The following SNX6 variants were observed in gnomAD, a reference collection of about 807,000 sequenced individuals.
SNX6 encodes the protein sorting nexin-6.
Under a neutral mutation model 63.0 loss-of-function variants are expected in SNX6, and 34 were observed. That is an observed-to-expected ratio of 0.54 (90% CI 0.41 to 0.72). The LOEUF (loss-of-function observed/expected upper bound fraction) is 0.72. Among genes scored for constraint, SNX6 ranks in the 30% least tolerant of loss-of-function variants. The pLI, the probability that SNX6 is intolerant of heterozygous loss-of-function variation, is 0.00. For synonymous variants in SNX6, 170 were observed against 164.2 expected (o/e 1.04, Z -0.27); for missense variants, 398 against 471.4 (o/e 0.84, Z 1.44).
intron 10 of SNX6, 126 bp downstream of exon 10, chr14:34,581,435 A>T (rs2138292627): frequency 2.0e-6 from 1 of 503,728 alleles, no homozygotes; most frequent in Non-Finnish European, 3.7e-6. Flanking sequence ...TACAGGCACG[A>T]GCCACGTGCC....
intron 2 of SNX6, among the ~76,000 whole-genome samples, chr14:34,617,824 G>A (rs1424665768): frequency 2.6e-5 from 4 of 151,708 alleles, no homozygotes; most frequent in Non-Finnish European, 5.9e-5. Flanking sequence ...GGGAGGCTGA[G>A]GCAGCAGAAT....
chr14:34,584,250 G>C (rs1475122401), intron 9 of SNX6, among the ~76,000 whole-genome samples: 1 of 152,146 alleles, frequency 6.6e-6, no homozygotes, highest in African/African-American at 2.4e-5. Context: ...CAAGGATGTG[G>C]TTTAGAGAAA....
intron 11 of SNX6, 143 bp downstream of exon 11, chr14:34,575,613 T>C: frequency 2.3e-6 from 1 of 436,290 alleles, no homozygotes; most frequent in Non-Finnish European, 4.3e-6. Context: ...ATACAATTTC[T>C]AAAAGGAGAA....
chr14:34,583,850 C>CTTTT (rs67586044), intron 9 of SNX6, among the ~76,000 whole-genome samples: 51,502 of 142,512 alleles, frequency 0.36, 11,020 homozygotes, highest in East Asian at 0.71. Flanking sequence ...GGGAAGGTGG[C>CTTTT]TTTTTTTTTT....
At chr14:34,600,605 G>A (rs1399460231) in intron 6 of SNX6, among the ~76,000 whole-genome samples, 2 of 152,050 alleles carry the variant, frequency 1.3e-5, no homozygotes, top group Admixed American at 6.6e-5. Context: ...AGGTTAACCT[G>A]TACATGAGCA....
chr14:34,565,873 TA>T (rs954160022), intron 13 of SNX6, among the ~76,000 whole-genome samples: 8 of 151,792 alleles, frequency 5.3e-5, no homozygotes, highest in African/African-American at 1.9e-4. Flanking sequence ...GTATTTTTAG[TA>T]GAGATGGGGT....
intron 8 of SNX6, among the ~76,000 whole-genome samples, chr14:34,589,423 C>G (rs1465814216): frequency 6.6e-6 from 1 of 152,164 alleles, no homozygotes; most frequent in Non-Finnish European, 1.5e-5. Context: ...CTCACTCCAG[C>G]CTGGGCAACA....
chr14:34,592,931 C>G, intron 8 of SNX6, 114 bp downstream of exon 8: 1 of 742,506 alleles, frequency 1.3e-6, no homozygotes, highest in Non-Finnish European at 2.2e-6. Context: ...AGCCTAGGCT[C>G]CAACAGACCA....
chr14:34,605,830 TG>T, intron 4 of SNX6, 113 bp from the exon 5 acceptor site: 10 of 1,312,766 alleles, frequency 7.6e-6, no homozygotes, highest in Non-Finnish European at 1.0e-5. Context: ...CAGAATGAGC[TG>T]AACACCAGGA....
At chr14:34,615,044 T>A (rs192650933) in intron 2 of SNX6, among the ~76,000 whole-genome samples, 167 of 152,318 alleles carry the variant, frequency 1.1e-3, no homozygotes, top group African/African-American at 3.8e-3. Context: ...TTCAAGATTA[T>A]TCCAAGTTAT....
chr14:34,603,585 CAA>C, intron 5 of SNX6, 114 bp from the exon 6 acceptor site: 1 of 840,126 alleles, frequency 1.2e-6, no homozygotes, highest in Non-Finnish European at 1.7e-6. Flanking sequence ...ATCAGAGATA[CAA>C]AGATATAATT....
At chr14:34,570,479 T>C (rs560151187) in intron 11 of SNX6, among the ~76,000 whole-genome samples, 1 of 151,638 alleles carries the variant, frequency 6.6e-6, no homozygotes, top group East Asian at 1.9e-4. Context: ...TGGAGTGCAG[T>C]GGTGCGATCT....
At chr14:34,605,492 T>C (rs1370635394) in intron 5 of SNX6, 104 bp downstream of exon 5, 2 of 913,416 alleles carry the variant, frequency 2.2e-6, no homozygotes, top group African/African-American at 3.4e-5. Flanking sequence ...AAGGGTTTAA[T>C]GATGGGATAT....
At position 34,567,782 on chromosome 14, in the gene SNX6, G is replaced by T. The variant is rs1881253168; in HGVS notation, c.1082-11C>A. The T allele has an allele frequency of 6.2e-7, 1 of 1,612,606 alleles. No individual in the cohort carries two copies. The highest frequency in any genetic ancestry group is 8.5e-7 in the Non-Finnish European group (1 of 1,178,964). On this transcript the variant is annotated splice_polypyrimidine_tract_variant and intron_variant, in intron 12 of 13. Coordinates refer to ENST00000362031, the MANE Select transcript of SNX6 (RefSeq NM_152233.4). ...TAAAATCTATAAGTTCTGTGAAAAA[G>T]AAATTAGGATTATTTAATTTACATA... is the stretch of plus-strand genomic sequence containing the variant.
intron 9 of SNX6, among the ~76,000 whole-genome samples, chr14:34,583,411 A>G (rs1318597427): frequency 1.3e-5 from 2 of 150,912 alleles, no homozygotes; most frequent in East Asian, 2.0e-4. Flanking sequence ...TAAATTCTTA[A>G]GTAGAAATTG....
Position 34,608,129 on chromosome 14 carries a change from T to A in SNX6, c.171A>T (p.Pro57=), listed in dbSNP as rs1883091556. The A allele has an allele frequency of 8.2e-6, 13 of 1,594,958 alleles. No homozygotes were observed. Among genetic ancestry groups the A allele is most frequent in the Non-Finnish European group, 1.1e-5 (13 of 1,167,114 alleles). Residue 57 remains proline, a synonymous_variant, in exon 4 of 14, where the codon CCA becomes CCT. Transcript: ENST00000362031. ...KFTVHTKSSL[P]NFKQNEFSVV... The stretch of plus-strand genomic sequence containing the variant: ...CTGAAAACTCGTTTTGTTTAAAATT[T>A]GGCAATGAACTCTGTAAAGATAGAG...
intron 6 of SNX6, among the ~76,000 whole-genome samples, chr14:34,599,709 G>T (rs898924481): frequency 6.7e-6 from 1 of 150,358 alleles, no homozygotes; most frequent in Admixed American, 6.7e-5. Context: ...GGGAGGCAGA[G>T]GTTGCACTGA....
Position 34,595,637 on chromosome 14 carries a change from C to G in SNX6, c.612+1913G>C, listed in dbSNP as rs139495145. Among the ~76,000 whole-genome samples, 184 of 152,286 alleles carry G rather than the reference C, an allele frequency of 1.2e-3. 1 individual carries two copies. The Middle Eastern group carries it at 0.017, about 14-fold the overall frequency. Reference sequence around the variant, plus strand: ...AAAATGGTTGATATTAATGCATAAGCAGCATCAAATGGAAGTAAGCTGAGT... The same window carrying G: ...AAAATGGTTGATATTAATGCATAAGGAGCATCAAATGGAAGTAAGCTGAGT... On this transcript the variant is annotated intron_variant, in intron 7 of 13. Transcript: ENST00000362031.
chr14:34,590,035 G>A (rs1180504729), intron 8 of SNX6, among the ~76,000 whole-genome samples: 1 of 152,074 alleles, frequency 6.6e-6, no homozygotes, highest in Non-Finnish European at 1.5e-5. Context: ...TGGAAGGATC[G>A]ATTGAGGATG....
Sources: allele counts gnomAD v4.1 joint callset (sites outside exome capture counted in the v4.1 genomes callset), GRCh38; gene constraint gnomAD v4.1.1; transcripts MANE v1.5; gene names NCBI Gene and HGNC (gene_info 2026-07-23, HGNC 2026-07-21).